The following CCDC81 variants were observed in gnomAD, a reference collection of about 807,000 sequenced individuals.
The protein encoded by CCDC81 is coiled-coil domain-containing protein 81.
Under a neutral mutation model 83.7 loss-of-function variants are expected in CCDC81, and 79 were observed. The observed-to-expected ratio is 0.94, with a 90% CI of 0.79 to 1.14. CCDC81 has a LOEUF of 1.14. CCDC81 is among the 50% of genes most tolerant of loss of function. The probability of loss-of-function intolerance (pLI) is 0.00; values close to 1 mark genes in which losing one functional copy is unlikely to be tolerated. For missense variants in CCDC81, 791 were observed against 778.1 expected (o/e 1.02, Z -0.20); for synonymous variants, 252 against 278.1 (o/e 0.91, Z 0.93).
chr11:86,405,611 C>A lies in CCDC81; in HGVS notation c.882-2003C>A, dbSNP rs143033398. Among the ~76,000 whole-genome samples the A allele has an allele frequency of 3.3e-3, 495 of 152,210 alleles. 4 individuals carry two copies. Among genetic ancestry groups the A allele is most frequent in the Middle Eastern group, 6.8e-3 (2 of 294 alleles). ...TGACCATGTTTCTTCAGTATGCTTT[C>A]AATTTCCTTCAAACTGTATCCCCTT... is the stretch of plus-strand genomic sequence containing the variant. On this transcript the variant is annotated intron_variant, in intron 7 of 14. Transcript: ENST00000445632.
At chr11:86,414,443 A>T (rs1948687351) in intron 11 of CCDC81, 1 of 175,260 alleles carries the variant, frequency 5.7e-6, no homozygotes, top group Non-Finnish European at 1.2e-5. Context: ...AGTAGCTGGG[A>T]TTACAGGCAC....
At chr11:86,389,965 C>T (rs570204324) in intron 3 of CCDC81, among the ~76,000 whole-genome samples, 1 of 152,090 alleles carries the variant, frequency 6.6e-6, no homozygotes, top group East Asian at 1.9e-4. Context: ...ACTAGCTGGG[C>T]GTGGTGGTGC....
At chr11:86,378,317 T>C (rs527394892) in intron 1 of CCDC81, among the ~76,000 whole-genome samples, 1 of 152,326 alleles carries the variant, frequency 6.6e-6, no homozygotes, top group South Asian at 2.1e-4. Flanking sequence ...TTTAATCCCA[T>C]TGTAATCTGA....
At chr11:86,409,717 G>C (rs1027510148) in intron 10 of CCDC81, among the ~76,000 whole-genome samples, 2 of 152,192 alleles carry the variant, frequency 1.3e-5, no homozygotes, top group African/African-American at 4.8e-5. Context: ...CCAAAGTGCT[G>C]GGATTACAAG....
At position 86,409,358 on chromosome 11, in the gene CCDC81, A is replaced by G; in HGVS notation, c.1211A>G (p.Glu404Gly). The G allele has an allele frequency of 6.7e-7, 1 of 1,493,776 alleles. No homozygotes were observed. The highest frequency in any genetic ancestry group is 9.0e-7 in the Non-Finnish European group (1 of 1,113,584). The allele number at this position is 1,493,776 out of a possible 1,614,324, so 92.5% of individuals were successfully genotyped here. Residue 404 changes from glutamate (E) to glycine (G), a missense_variant, in exon 10 of 15, where the codon GAA (glutamate) becomes GGA (glycine). Transcript: ENST00000445632. ...AIRNHKNEKP[E>G]FYKSFLFDKR... The stretch of plus-strand genomic sequence containing the variant: ...AGAAACCACAAGAATGAGAAACCGG[A>G]ATTTTATGTAAGTCTTTTAAAAATT...
intron 10 of CCDC81, among the ~76,000 whole-genome samples, chr11:86,411,974 C>T (rs527579712): frequency 3.2e-4 from 48 of 152,288 alleles, no homozygotes; most frequent in Non-Finnish European, 1.3e-4. Context: ...CTTCCTTATC[C>T]CTCCCGAATT....
Position 86,395,343 on chromosome 11 carries a change from A to C in CCDC81, c.565A>C (p.Thr189Pro). The part of the protein sequence containing the change: ...LAKALANRPG[T>P]VDSVLSSREA... ...TGTTGCTGTCCTCTAGAGGCCTGGC[A>C]CTGTGGACTCGGTGTTGTCTAGCAG... Residue 189 changes from threonine to proline, a missense_variant, in exon 5 of 15, where the codon ACT (threonine) becomes CCT (proline). By Grantham distance (38) the Thr-to-Pro change is conservative (BLOSUM62 -1). Transcript: ENST00000445632. The C allele has an allele frequency of 6.2e-7, 1 of 1,613,966 alleles. No homozygotes were observed. The highest frequency in any genetic ancestry group is 8.5e-7 in the Non-Finnish European group (1 of 1,179,922).
At chr11:86,404,625 C>G (rs1454389544) in intron 7 of CCDC81, among the ~76,000 whole-genome samples, 7 of 152,220 alleles carry the variant, frequency 4.6e-5, no homozygotes, top group African/African-American at 1.7e-4. Flanking sequence ...GAATTGAGCT[C>G]TCAAGGATTG....
chr11:86,375,478 C>T (rs1948087035), intron 1 of CCDC81, among the ~76,000 whole-genome samples: 1 of 152,116 alleles, frequency 6.6e-6, no homozygotes, highest in South Asian at 2.1e-4. Flanking sequence ...GCTCAATAAA[C>T]GGACTAGCAC....
intron 2 of CCDC81, among the ~76,000 whole-genome samples, chr11:86,386,385 C>T (rs766064094): frequency 9.2e-5 from 14 of 152,056 alleles, no homozygotes; most frequent in Non-Finnish European, 1.9e-4. Flanking sequence ...GCTGATCAGC[C>T]TGGGTGTGTG....
intron 11 of CCDC81, among the ~76,000 whole-genome samples, chr11:86,413,422 C>A (rs1003813280): frequency 6.6e-6 from 1 of 151,992 alleles, no homozygotes. Context: ...ACAGATGGAA[C>A]CCTAGCCAGG....
intron 13 of CCDC81, 93 bp from the exon 14 acceptor site, chr11:86,419,835 G>GTTT: frequency 7.2e-7 from 1 of 1,381,484 alleles, no homozygotes; most frequent in Non-Finnish European, 9.7e-7. Context: ...AAACCAGAAG[G>GTTT]TTTTTTTTGT....
chr11:86,401,385 C>T (rs976253411), intron 7 of CCDC81, among the ~76,000 whole-genome samples: 3 of 152,154 alleles, frequency 2.0e-5, no homozygotes, highest in Non-Finnish European at 4.4e-5. Flanking sequence ...TCATTGTTTA[C>T]TGAGCACCTA....
chr11:86,384,451 G>C (rs1948214789), intron 1 of CCDC81, among the ~76,000 whole-genome samples: 1 of 152,136 alleles, frequency 6.6e-6, no homozygotes, highest in Admixed American at 6.5e-5. Context: ...TAATGGGTGA[G>C]TGAGTTTCCA....
chr11:86,400,856 C>T (rs1441225010), intron 7 of CCDC81, 55 bp downstream of exon 7: 9 of 1,514,024 alleles, frequency 5.9e-6, no homozygotes, highest in African/African-American at 2.8e-5. Context: ...ATTTTTGAGT[C>T]GTTGCTTGAT....
intron 7 of CCDC81, among the ~76,000 whole-genome samples, chr11:86,401,861 G>A (rs1948493163): frequency 6.6e-6 from 1 of 152,142 alleles, no homozygotes. Flanking sequence ...AATAGGCCAG[G>A]CGCAGTGGCT....
At chr11:86,388,009 G>A (rs1948268979) in intron 3 of CCDC81, among the ~76,000 whole-genome samples, 1 of 152,150 alleles carries the variant, frequency 6.6e-6, no homozygotes, top group Non-Finnish European at 1.5e-5. Flanking sequence ...AGTTAATTAG[G>A]ATCTCTGGTT....
intron 7 of CCDC81, among the ~76,000 whole-genome samples, chr11:86,401,544 A>G (rs1350162299): frequency 6.6e-6 from 1 of 152,206 alleles, no homozygotes; most frequent in African/African-American, 2.4e-5. Flanking sequence ...TATCACTGTT[A>G]TGAAAGATAA....
At chr11:86,401,587 A>G (rs752716393) in intron 7 of CCDC81, among the ~76,000 whole-genome samples, 14 of 152,316 alleles carry the variant, frequency 9.2e-5, no homozygotes, top group Admixed American at 2.6e-4. Context: ...TTGGGAATTT[A>G]ATTCAATACA....
Sources: allele counts gnomAD v4.1 joint callset (sites outside exome capture counted in the v4.1 genomes callset), GRCh38; gene constraint gnomAD v4.1.1; transcripts MANE v1.5; gene names NCBI Gene and HGNC (gene_info 2026-07-23, HGNC 2026-07-21).